Variants in SLC5A2 observed in about 807,000 individuals in gnomAD.
SLC5A2 encodes solute carrier family 5 member 2, also known as sodium/glucose cotransporter 2.
SLC5A2 carries 67 observed loss-of-function variants against 69.0 expected under a neutral mutation model. The ratio of observed to expected loss-of-function variants is 0.97; its 90% CI spans 0.80 to 1.19. The LOEUF (loss-of-function observed/expected upper bound fraction) is 1.19. SLC5A2 is among the 50% of genes most tolerant of loss of function. SLC5A2 has a pLI of 0.00. For synonymous variants in SLC5A2, 455 were observed against 395.8 expected, an observed-to-expected ratio of 1.15 and a Z score of -1.78; for missense variants, 1,001 against 921.5, an observed-to-expected ratio of 1.09 and a Z score of -1.12.
At chr16:31,489,848 T>A (rs143696144) in intron 12 of SLC5A2, 1 of 519,934 alleles carries the variant, frequency 1.9e-6, no homozygotes, top group Admixed American at 2.9e-5. Context: ...ACCATCTGGG[T>A]GTAGACAGAC....
At chr16:31,487,435 G>T in intron 6 of SLC5A2, 35 bp downstream of exon 6, 1 of 1,611,660 alleles carries the variant, frequency 6.2e-7, no homozygotes, top group Non-Finnish European at 8.5e-7. Flanking sequence ...GGCGCGGAGG[G>T]CATGGTCGCG....
At position 31,489,176 on chromosome 16, in the gene SLC5A2, T is replaced by G. The variant is rs2082533939; in HGVS notation, c.1503T>G (p.Ile501Met). The G allele has an allele frequency of 1.2e-6, 2 of 1,610,388 alleles. No homozygotes were observed. Among genetic ancestry groups the G allele is most frequent in the South Asian group, 2.2e-5 (2 of 91,084 alleles). ...TGCTGATGGGCCTGGCACGCCTGAT[T>G]CCCGAGTTCTCCTTCGGCTCGGGCA... ...GGLLMGLARL[I>M]PEFSFGSGSC... is the part of the protein sequence containing the mutation. The change falls in exon 12 of 14, where the codon ATT (isoleucine) becomes ATG (methionine). Residue 501 changes from isoleucine to methionine, a missense_variant. Ile to Met is a conservative substitution (Grantham distance 10). Coordinates refer to ENST00000330498, the MANE Select transcript of SLC5A2 (RefSeq NM_003041.4).
Position 31,486,054 on chromosome 16 carries a change from T to C in SLC5A2, c.469-116T>C, listed in dbSNP as rs2082492984. 28 of 1,181,126 alleles carry C rather than the reference T, an allele frequency of 2.4e-5. 1 individual carries two copies. The South Asian group carries it at 3.3e-4, about 14-fold the overall frequency. 73.2% of individuals were successfully genotyped at this position (1,181,126 alleles called of 1,614,324 possible). ...AATGTCTCCGGGGCACCAGCTACAG[T>C]GCTGGGACCTGGAAAAATGGAGGGA... On this transcript the variant is annotated intron_variant, in intron 4 of 13. Transcript: ENST00000330498.
Position 31,490,118 on chromosome 16 carries a change from C to A in SLC5A2, c.1680C>A (p.Val560=). 1 of 1,613,974 alleles carries A rather than the reference C, an allele frequency of 6.2e-7. No individual in the cohort carries two copies. Among genetic ancestry groups the A allele is most frequent in the South Asian group, 1.1e-5 (1 of 91,058 alleles). The change falls in exon 13 of 14, where the codon GTC becomes GTA. Residue 560 remains valine, a synonymous_variant. Coordinates refer to ENST00000330498, the MANE Select transcript of SLC5A2 (RefSeq NM_003041.4). ...PIPRKHLHRL[V]FSLRHSKEER... ...ACCCTCCCCAGCTCCACCGCCTGGT[C>A]TTCAGTCTCCGGCATAGCAAGGAGG...
rs761408580 is a variant in SLC5A2, at chr16:31,488,886, G to A, written c.1287G>A (p.Trp429Ter). 6.2e-7 allele frequency: 1 copy of A among 1,605,446 alleles called. No homozygotes were observed. The highest frequency in any genetic ancestry group is 1.1e-5 in the South Asian group (1 of 91,076). ...DRELLLVGRL[W>*]VVFIVVVSVA... ...CCGACGGCCTCCGCCGCAGGCTCTG[G>A]GTGGTGTTCATCGTGGTAGTGTCGG... The change falls in exon 11 of 14, where the codon TGG (tryptophan) becomes TGA (stop). Residue 429 changes from tryptophan to a stop codon, truncating the protein, a stop_gained. Transcript: ENST00000330498. LOFTEE classifies it high-confidence loss of function.
intron 1 of SLC5A2, 45 bp downstream of exon 1, chr16:31,483,307 G>A (rs1373647694): frequency 1.2e-6 from 2 of 1,612,582 alleles, no homozygotes; most frequent in Admixed American, 1.7e-5. Flanking sequence ...TGGCTTTGGG[G>A]GCCTGGGGGA....
In SLC5A2 at chr16:31,488,388, G is replaced by GTGGC; in HGVS notation, c.1028_1031dup (p.Cys345GlyfsTer6). ...CGGTGGCCTCTCTCTGGCAGACGAGGTGGCGTGCGTGGTGCCTGAGGTGTG... is the reference window on the plus strand; with the variant it reads ...CGGTGGCCTCTCTCTGGCAGACGAGGTGGCTGGCGTGCGTGGTGCCTGAGGTGTG... On this transcript the variant is annotated frameshift_variant, in exon 9 of 14. Coordinates refer to ENST00000330498, the MANE Select transcript of SLC5A2 (RefSeq NM_003041.4). LOFTEE classifies it high-confidence loss of function. 6.2e-7 allele frequency: 1 copy of GTGGC among 1,611,412 alleles called. No homozygotes were observed. The highest frequency in any genetic ancestry group is 8.5e-7 in the Non-Finnish European group (1 of 1,179,820).
rs368071047 is a variant in SLC5A2, at chr16:31,490,468, G to T, written c.1952G>T (p.Arg651Leu). 1 of 1,613,952 alleles carries T rather than the reference G, an allele frequency of 6.2e-7. No individual in the cohort carries two copies. Among genetic ancestry groups the T allele is most frequent in the Admixed American group, 1.7e-5 (1 of 60,008 alleles). Residue 651 changes from arginine to leucine, a missense_variant, in exon 14 of 14, where the codon CGT (arginine) becomes CTT (leucine). Physicochemically the swap from Arg to Leu is moderately radical, Grantham distance 102. Coordinates refer to ENST00000330498, the MANE Select transcript of SLC5A2 (RefSeq NM_003041.4). ...ATCAGCGAGGACCCGAGCTGGGCCCGTGTGGTCAACCTCAATGCCCTGCTC... is the reference window on the plus strand; with the variant it reads ...ATCAGCGAGGACCCGAGCTGGGCCCTTGTGGTCAACCTCAATGCCCTGCTC... ...EDISEDPSWA[R>L]VVNLNALLMM...
chr16:31,489,202 G>A lies in SLC5A2; in HGVS notation c.1529G>A (p.Ser510Asn), dbSNP rs1431779583. The change falls in exon 12 of 14, where the codon AGC becomes AAC. Residue 510 changes from serine (S) to asparagine (N), a missense_variant. By Grantham distance (46) the Ser-to-Asn change is conservative. Transcript: ENST00000330498. ...CCCGAGTTCTCCTTCGGCTCGGGCA[G>A]CTGTGTGCAGCCCTCGGCGTGCCCA... is the stretch of plus-strand genomic sequence containing the variant. ...LIPEFSFGSG[S>N]CVQPSACPAF... 3 of 1,610,242 alleles carry A rather than the reference G, an allele frequency of 1.9e-6. No homozygotes were observed. Among genetic ancestry groups the A allele is most frequent in the South Asian group, 1.1e-5 (1 of 91,090 alleles).
Position 31,487,579 on chromosome 16 carries a change from A to C in SLC5A2, c.705A>C (p.Gly235=). ...CGGGTCTCTTCGACAAATACCTGGG[A>C]GCAGCGACTTCGCTGACGGTGTCCG... is the stretch of plus-strand genomic sequence containing the variant. The part of the protein sequence containing the change: ...GYSGLFDKYL[G]AATSLTVSED... The change falls in exon 7 of 14, where the codon GGA becomes GGC. Residue 235 remains glycine, a synonymous_variant. Transcript: ENST00000330498. The C allele has an allele frequency of 6.2e-7, 1 of 1,613,908 alleles. No homozygotes were observed. The highest frequency in any genetic ancestry group is 2.2e-5 in the East Asian group (1 of 44,870).
chr16:31,490,371 A>C lies in SLC5A2; in HGVS notation c.1855A>C (p.Arg619=), dbSNP rs1327711628. ...QCLLWFCGMS[R]GGVGSPPPLT... is the part of the protein sequence containing the mutation. ...CCTGCTCTGGTTTTGTGGAATGAGC[A>C]GAGGTGGGGTGGGCAGTCCTCCGCC... The change falls in exon 14 of 14, where the codon AGA becomes CGA. Residue 619 remains arginine (R), a synonymous_variant. Coordinates refer to ENST00000330498, the MANE Select transcript of SLC5A2 (RefSeq NM_003041.4). The C allele has an allele frequency of 6.2e-7, 1 of 1,613,252 alleles. No individual in the cohort carries two copies. Among genetic ancestry groups the C allele is most frequent in the Non-Finnish European group, 8.5e-7 (1 of 1,179,726 alleles).
chr16:31,487,071 C>T (rs1217229227), intron 5 of SLC5A2, among the ~76,000 whole-genome samples: 1 of 137,278 alleles, frequency 7.3e-6, no homozygotes, highest in Non-Finnish European at 1.7e-5. Flanking sequence ...ACAAACAAAA[C>T]TGGGGCCTAG....
At chr16:31,489,388 C>G (rs774116625) in intron 12 of SLC5A2, 50 bp downstream of exon 12, 7 of 1,534,672 alleles carry the variant, frequency 4.6e-6, no homozygotes, top group Non-Finnish European at 6.2e-6. Context: ...AGCACCTACC[C>G]TCTGCTTCCT....
At chr16:31,485,575 C>T (rs966091377) in intron 3 of SLC5A2, 154 bp from the exon 4 acceptor site, 6 of 839,658 alleles carry the variant, frequency 7.1e-6, no homozygotes, top group Middle Eastern at 3.6e-4. Flanking sequence ...TTCCTTGGTG[C>T]CCAGGGCCCC....
At chr16:31,488,532 G>A (rs1458456321) in intron 9 of SLC5A2, 42 bp downstream of exon 9, 2 of 1,600,300 alleles carry the variant, frequency 1.2e-6, no homozygotes, top group Middle Eastern at 1.7e-4. Flanking sequence ...TCGCTGCGGA[G>A]CCCGCTGCTG....
chr16:31,488,500 G>A lies in SLC5A2; in HGVS notation c.1129+10G>A, dbSNP rs1344860695. 2 of 1,604,702 alleles carry A rather than the reference G, an allele frequency of 1.2e-6. No homozygotes were observed. The highest frequency in any genetic ancestry group is 1.7e-6 in the Non-Finnish European group (2 of 1,177,024). On this transcript the variant is annotated intron_variant, in intron 9 of 13. Transcript: ENST00000330498. ...AAGCTCATGCCCAACGGTAAGGGCAGCCCCGGGCCACAGGCGCAAGCTCGC... is the reference window on the plus strand; with the variant it reads ...AAGCTCATGCCCAACGGTAAGGGCAACCCCGGGCCACAGGCGCAAGCTCGC...
At chr16:31,487,853 G>GGC in intron 7 of SLC5A2, 94 bp downstream of exon 7, 1 of 1,438,094 alleles carries the variant, frequency 7.0e-7, no homozygotes, top group Non-Finnish European at 9.4e-7. Context: ...AACGGTCTAA[G>GGC]GCGCAGTCTG....
chr16:31,486,033 T>A, intron 4 of SLC5A2, 137 bp from the exon 5 acceptor site: 1 of 1,198,348 alleles, frequency 8.3e-7, no homozygotes, highest in South Asian at 1.2e-5. Flanking sequence ...GCAATGAATG[T>A]CTCCGGGGCA....
chr16:31,485,476 G>A (rs1486950774), intron 3 of SLC5A2: 5 of 582,064 alleles, frequency 8.6e-6, no homozygotes, highest in Non-Finnish European at 1.2e-5. Context: ...GATGATCATA[G>A]GGACAACATT....
Sources: gnomAD v4.1 joint callset for allele counts (sites outside exome capture counted in the v4.1 genomes callset) on GRCh38, gnomAD v4.1.1 for gene constraint, MANE v1.5 for transcripts, NCBI Gene and HGNC (gene_info 2026-07-23, HGNC 2026-07-21) for gene names.